NPAS3: variants seen among roughly 807,000 people sequenced by gnomAD.
NPAS3 encodes the protein neuronal PAS domain protein 3, also known as neuronal PAS domain-containing protein 3.
A neutral mutation model predicts 73.1 loss-of-function variants in NPAS3; 14 were observed. The ratio of observed to expected loss-of-function variants is 0.19; its 90% CI spans 0.13 to 0.30. NPAS3 has a LOEUF of 0.30. Among genes scored for constraint, NPAS3 ranks in the 10% least tolerant of loss-of-function variants. The pLI is 1.00. For synonymous variants in NPAS3, 620 were observed against 541.5 expected (o/e 1.14, Z -2.01); for missense variants, 1,096 against 1,250.0 (o/e 0.88, Z 1.86).
intron 11 of NPAS3, among the ~76,000 whole-genome samples, chr14:33,798,165 G>A (rs988548367): frequency 2.6e-5 from 4 of 152,220 alleles, no homozygotes; most frequent in Non-Finnish European, 4.4e-5. Context: ...TAATGGCATC[G>A]ATCAATGCCT....
chr14:33,068,605 A>G (rs2041363352), intron 2 of NPAS3, among the ~76,000 whole-genome samples: 3 of 152,230 alleles, frequency 2.0e-5, no homozygotes, highest in Admixed American at 2.0e-4. Context: ...GAAGGAAATC[A>G]TATAGTCTGT....
chr14:33,617,962 C>G (rs2057970014), intron 5 of NPAS3, among the ~76,000 whole-genome samples: 1 of 152,208 alleles, frequency 6.6e-6, no homozygotes, highest in Admixed American at 6.5e-5. Context: ...CGTAGGAACT[C>G]AGCAATAGCT....
At chr14:33,475,652 G>A (rs527884577) in intron 4 of NPAS3, among the ~76,000 whole-genome samples, 20 of 151,988 alleles carry the variant, frequency 1.3e-4, no homozygotes, top group African/African-American at 3.6e-4. Flanking sequence ...CCATCAAGCC[G>A]TTGCTATATG....
At chr14:33,412,614 C>A (rs2047978880) in intron 4 of NPAS3, among the ~76,000 whole-genome samples, 1 of 152,058 alleles carries the variant, frequency 6.6e-6, no homozygotes, top group African/African-American at 2.4e-5. Context: ...TTGCCTGTGA[C>A]TAAGGCTTAG....
intron 1 of NPAS3, among the ~76,000 whole-genome samples, chr14:33,020,261 T>G (rs1222831733): frequency 6.6e-6 from 1 of 152,200 alleles, no homozygotes; most frequent in African/African-American, 2.4e-5. Context: ...ATCATAAATA[T>G]TCCCATACGA....
At chr14:33,089,102 C>T (rs570277811) in intron 2 of NPAS3, among the ~76,000 whole-genome samples, 27 of 152,074 alleles carry the variant, frequency 1.8e-4, no homozygotes, top group African/African-American at 6.3e-4. Context: ...CTCTCCCCCT[C>T]CAAAGGAACG....
intron 5 of NPAS3, among the ~76,000 whole-genome samples, chr14:33,660,463 G>A (rs754450388): frequency 5.9e-5 from 9 of 152,218 alleles, no homozygotes; most frequent in Middle Eastern, 6.8e-3. Context: ...TTTTGATTTT[G>A]TTTTGTGTTT....
intron 6 of NPAS3, among the ~76,000 whole-genome samples, chr14:33,692,742 T>C (rs1405022965): frequency 6.6e-6 from 1 of 151,406 alleles, no homozygotes; most frequent in Non-Finnish European, 1.5e-5. Flanking sequence ...CAACCCTTAT[T>C]TGGGGTATTT....
At chr14:33,662,023 C>T (rs1958558) in intron 5 of NPAS3, among the ~76,000 whole-genome samples, 127,019 of 152,256 alleles carry the variant, frequency 0.83, 53,712 homozygotes, top group East Asian at 1. Context: ...TAAATTTAAT[C>T]AAATTCAGAA....
At chr14:33,046,240 C>T (rs1331305977) in intron 1 of NPAS3, among the ~76,000 whole-genome samples, 1 of 151,930 alleles carries the variant, frequency 6.6e-6, no homozygotes. Flanking sequence ...TGTGAGGCTG[C>T]GAGTGGTGTG....
At chr14:33,554,515 C>T (rs924361492) in intron 4 of NPAS3, among the ~76,000 whole-genome samples, 2 of 152,110 alleles carry the variant, frequency 1.3e-5, no homozygotes, top group African/African-American at 4.8e-5. Context: ...TTTTTGCATT[C>T]ATAATTAGGG....
chr14:32,956,561 G>A (rs917706802), intron 1 of NPAS3, among the ~76,000 whole-genome samples: 2 of 152,138 alleles, frequency 1.3e-5, no homozygotes, highest in Non-Finnish European at 2.9e-5. Context: ...CAGCTCCAGG[G>A]AAAGAGTGGA....
chr14:33,229,492 C>T (rs543130769), intron 3 of NPAS3, among the ~76,000 whole-genome samples: 4 of 152,268 alleles, frequency 2.6e-5, no homozygotes, highest in African/African-American at 9.6e-5. Context: ...CACCTTCCCG[C>T]CCGCTCACAT....
At chr14:33,573,367 G>A (rs964174638) in intron 5 of NPAS3, among the ~76,000 whole-genome samples, 1 of 152,108 alleles carries the variant, frequency 6.6e-6, no homozygotes, top group Non-Finnish European at 1.5e-5. Context: ...CTTAGACATG[G>A]CAACCAAGCT....
chr14:33,664,019 G>A (rs767055268), intron 5 of NPAS3, among the ~76,000 whole-genome samples: 8 of 151,208 alleles, frequency 5.3e-5, no homozygotes, highest in South Asian at 2.1e-4. Flanking sequence ...TTTTTGAAGG[G>A]GTTTTCGTGT....
intron 2 of NPAS3, among the ~76,000 whole-genome samples, chr14:33,106,222 A>G (rs1446694883): frequency 1.3e-5 from 2 of 152,188 alleles, no homozygotes; most frequent in African/African-American, 4.8e-5. Context: ...AAGATAAACT[A>G]ATTTTAATTT....
At chr14:33,563,700 T>C (rs962854686) in intron 5 of NPAS3, among the ~76,000 whole-genome samples, 7 of 152,140 alleles carry the variant, frequency 4.6e-5, no homozygotes, top group Non-Finnish European at 8.8e-5. Context: ...AAAGGAAGAT[T>C]CCCACATACT....
intron 1 of NPAS3, among the ~76,000 whole-genome samples, chr14:33,011,439 A>T (rs1477299018): frequency 6.6e-6 from 1 of 152,170 alleles, no homozygotes; most frequent in Non-Finnish European, 1.5e-5. Context: ...AGGTCACTTA[A>T]TGTGCACAGC....
chr14:33,062,916 G>T (rs2041158450), intron 2 of NPAS3, among the ~76,000 whole-genome samples: 1 of 152,148 alleles, frequency 6.6e-6, no homozygotes, highest in Non-Finnish European at 1.5e-5. Context: ...TGAATCTTTG[G>T]ACTTAGTTTA....
Sources: gnomAD v4.1 joint callset for allele counts (sites outside exome capture counted in the v4.1 genomes callset) on GRCh38, gnomAD v4.1.1 for gene constraint, MANE v1.5 for transcripts, NCBI Gene and HGNC (gene_info 2026-07-23, HGNC 2026-07-21) for gene names.